SYTL2: variants seen among roughly 807,000 people sequenced by gnomAD.
SYTL2 encodes the protein synaptotagmin like 2, also known as synaptotagmin-like protein 2.
SYTL2 carries 165 observed loss-of-function variants against 198.7 expected under a neutral mutation model. The observed-to-expected ratio is 0.83, with a 90% CI of 0.73 to 0.94. The LOEUF (loss-of-function observed/expected upper bound fraction) is 0.94, where lower values mean the gene tolerates loss of function less well. Among genes scored for constraint, SYTL2 ranks in the 40% least tolerant of loss-of-function variants. The probability of loss-of-function intolerance (pLI) is 0.00; values close to 1 mark genes in which losing one functional copy is unlikely to be tolerated. For missense variants in SYTL2, 2,835 were observed against 2,582.8 expected (o/e 1.10, Z -2.12); for synonymous variants, 966 against 917.7 (o/e 1.05, Z -0.95).
chr11:85,736,438 G>A (rs907041054), intron 6 of SYTL2, 63 bp downstream of exon 6: 3 of 831,364 alleles, frequency 3.6e-6, no homozygotes, highest in East Asian at 5.6e-5. Flanking sequence ...GGAACTCTGA[G>A]AATTTCCCTT....
chr11:85,765,679 G>C (rs556078021), intron 1 of SYTL2, among the ~76,000 whole-genome samples: 1 of 152,168 alleles, frequency 6.6e-6, no homozygotes, highest in East Asian at 1.9e-4. Context: ...CTGAGTAGCA[G>C]ACAGCTAGTA....
intron 1 of SYTL2, among the ~76,000 whole-genome samples, chr11:85,804,321 C>T (rs1046276673): frequency 3.3e-5 from 5 of 152,118 alleles, no homozygotes; most frequent in Admixed American, 6.6e-5. Flanking sequence ...CAGCTTCGTA[C>T]GTAATTTCAT....
intron 15 of SYTL2, among the ~76,000 whole-genome samples, chr11:85,705,773 G>A (rs1464727076): frequency 6.6e-6 from 1 of 152,132 alleles, no homozygotes; most frequent in Non-Finnish European, 1.5e-5. Flanking sequence ...CTTTCTCTGA[G>A]CTTAACATTT....
At chr11:85,851,365 G>GT in the SYTL2 span, among the ~76,000 whole-genome samples, 1 of 152,016 alleles carries the variant, frequency 6.6e-6, no homozygotes, top group Non-Finnish European at 1.5e-5. Context: ...CGCAAAGGCA[G>GT]TAAGTTCATT....
the SYTL2 span, among the ~76,000 whole-genome samples, chr11:85,848,622 CT>C: frequency 6.6e-6 from 1 of 151,968 alleles, no homozygotes; most frequent in Non-Finnish European, 1.5e-5. Flanking sequence ...AAGTATGTTT[CT>C]TGATTTTTTG....
At chr11:85,843,577 G>C in the SYTL2 span, among the ~76,000 whole-genome samples, 9 of 152,036 alleles carry the variant, frequency 5.9e-5, no homozygotes, top group African/African-American at 2.2e-4. Context: ...TGCAGGCTTG[G>C]AGCTGGGTCC....
At chr11:85,699,932 C>T (rs975208554) in intron 17 of SYTL2, among the ~76,000 whole-genome samples, 1 of 152,142 alleles carries the variant, frequency 6.6e-6, no homozygotes, top group African/African-American at 2.4e-5. Flanking sequence ...CTCTGGAGTC[C>T]TCTTAATTCC....
At chr11:85,819,933 C>G in the SYTL2 span, among the ~76,000 whole-genome samples, 1 of 152,118 alleles carries the variant, frequency 6.6e-6, no homozygotes, top group East Asian at 1.9e-4. Flanking sequence ...TATCTTATTC[C>G]TCTCTCTCAA....
chr11:85,700,406 TA>T (rs1451304359), intron 17 of SYTL2, 108 bp downstream of exon 17: 38 of 818,276 alleles, frequency 4.6e-5, no homozygotes, highest in Non-Finnish European at 1.6e-5. Flanking sequence ...TATACGTTAC[TA>T]ACTTGATAAG....
At chr11:85,775,650 T>A (rs2092439930) in intron 1 of SYTL2, among the ~76,000 whole-genome samples, 1 of 152,140 alleles carries the variant, frequency 6.6e-6, no homozygotes, top group African/African-American at 2.4e-5. Flanking sequence ...GCCTGGCTAA[T>A]TTTTGTATTT....
the SYTL2 span, among the ~76,000 whole-genome samples, chr11:85,817,116 A>G: frequency 1.3e-5 from 2 of 152,174 alleles, no homozygotes; most frequent in Admixed American, 6.5e-5. Context: ...TTTTAAAATA[A>G]TCCAGAATGG....
the SYTL2 span, among the ~76,000 whole-genome samples, chr11:85,821,405 T>G: frequency 6.6e-6 from 1 of 152,024 alleles, no homozygotes; most frequent in African/African-American, 2.4e-5. Flanking sequence ...AAGAGTAGGA[T>G]TTTTAAAAGA....
At chr11:85,729,340 G>A (rs1376232343) in intron 7 of SYTL2, among the ~76,000 whole-genome samples, 1 of 152,150 alleles carries the variant, frequency 6.6e-6, no homozygotes, top group Non-Finnish European at 1.5e-5. Flanking sequence ...ATAATTGGAA[G>A]TAAAACACTC....
the SYTL2 span, among the ~76,000 whole-genome samples, chr11:85,819,309 TG>T: frequency 6.6e-6 from 1 of 152,242 alleles, no homozygotes; most frequent in Non-Finnish European, 1.5e-5. Context: ...AGTTATCTAT[TG>T]GTATGCTTGC....
the SYTL2 span, among the ~76,000 whole-genome samples, chr11:85,850,562 T>G: frequency 4.5e-4 from 68 of 151,310 alleles, no homozygotes; most frequent in Non-Finnish European, 8.6e-4. Context: ...ATAGGAACAC[T>G]TTTACACTGT....
intron 15 of SYTL2, 134 bp from the exon 16 acceptor site, chr11:85,705,162 G>T: frequency 1.7e-6 from 1 of 581,456 alleles, no homozygotes; most frequent in South Asian, 2.9e-5. Flanking sequence ...CAAAAATATT[G>T]CAAAGTCATC....
chr11:85,806,677 G>A (rs753002426), intron 1 of SYTL2, among the ~76,000 whole-genome samples: 13 of 152,180 alleles, frequency 8.5e-5, no homozygotes, highest in Admixed American at 2.0e-4. Context: ...AGGAGGAGGC[G>A]TCAAAAGCTT....
At chr11:85,695,445 G>A in intron 19 of SYTL2, 105 bp from the exon 20 acceptor site, 1 of 933,226 alleles carries the variant, frequency 1.1e-6, no homozygotes, top group Non-Finnish European at 1.5e-6. Context: ...GCTAGGAGGA[G>A]CTTTCTTCAC....
chr11:85,778,005 G>C (rs1313086998), intron 1 of SYTL2, among the ~76,000 whole-genome samples: 1 of 151,764 alleles, frequency 6.6e-6, no homozygotes, highest in Non-Finnish European at 1.5e-5. Flanking sequence ...TTTTAGTGAA[G>C]ATGGGGTTTC....
Sources: allele counts gnomAD v4.1 joint callset (sites outside exome capture counted in the v4.1 genomes callset), GRCh38; gene constraint gnomAD v4.1.1; transcripts MANE v1.5; gene names NCBI Gene and HGNC (gene_info 2026-07-23, HGNC 2026-07-21).